Variants in RAB31 observed in about 807,000 individuals in gnomAD.
The protein encoded by RAB31 is RAB31, member RAS oncogene family.
Under a neutral mutation model 25.6 loss-of-function variants are expected in RAB31, and 21 were observed. That is an observed-to-expected ratio of 0.82 (90% CI 0.58 to 1.18). RAB31 has a LOEUF of 1.18. Ranked by LOEUF, RAB31 falls within the 50% of genes most tolerant of loss-of-function variation. The pLI is 0.00. For missense variants in RAB31, 196 were observed against 250.1 expected (o/e 0.78, Z 1.46); for synonymous variants, 87 against 84.0 (o/e 1.04, Z -0.20).
At chr18:9,836,364 C>T (rs1049152089) in intron 5 of RAB31, among the ~76,000 whole-genome samples, 3 of 152,214 alleles carry the variant, frequency 2.0e-5, no homozygotes, top group Non-Finnish European at 2.9e-5. Flanking sequence ...TTTTAGGAAG[C>T]GCTAATGAGT....
intron 5 of RAB31, among the ~76,000 whole-genome samples, chr18:9,827,773 A>G (rs1355806444): frequency 6.6e-6 from 1 of 152,210 alleles, no homozygotes; most frequent in Non-Finnish European, 1.5e-5. Flanking sequence ...TGATTAGCAA[A>G]TACGTTTTGA....
At chr18:9,750,560 C>G (rs1321594665) in intron 1 of RAB31, among the ~76,000 whole-genome samples, 1 of 152,128 alleles carries the variant, frequency 6.6e-6, no homozygotes, top group East Asian at 1.9e-4. Context: ...TTGGCCAGTG[C>G]ATTCTTACGT....
At chr18:9,758,670 G>A (rs2068272169) in intron 1 of RAB31, among the ~76,000 whole-genome samples, 1 of 152,096 alleles carries the variant, frequency 6.6e-6, no homozygotes, top group South Asian at 2.1e-4. Context: ...GCCTGTGAGG[G>A]TAGACACATG....
At chr18:9,847,558 G>A (rs2068767815) in intron 6 of RAB31, among the ~76,000 whole-genome samples, 1 of 152,206 alleles carries the variant, frequency 6.6e-6, no homozygotes, top group Non-Finnish European at 1.5e-5. Context: ...GCCTGAGTAG[G>A]AAGTACTGTA....
intron 1 of RAB31, among the ~76,000 whole-genome samples, chr18:9,722,477 G>A (rs560017000): frequency 7.2e-5 from 11 of 152,332 alleles, no homozygotes; most frequent in South Asian, 4.1e-4. Context: ...CCACAGTGGA[G>A]CAACACTGTT....
intron 6 of RAB31, among the ~76,000 whole-genome samples, chr18:9,857,305 C>T (rs1159669056): frequency 6.6e-6 from 1 of 152,112 alleles, no homozygotes; most frequent in Non-Finnish European, 1.5e-5. Context: ...GAAATCAACT[C>T]TTTTTGTCCC....
intron 1 of RAB31, among the ~76,000 whole-genome samples, chr18:9,744,561 C>T (rs1483047834): frequency 6.6e-6 from 1 of 152,086 alleles, no homozygotes; most frequent in Admixed American, 6.5e-5. Context: ...ATTTTATGGT[C>T]CCTATTAAAA....
intron 1 of RAB31, among the ~76,000 whole-genome samples, chr18:9,718,317 T>G (rs2068054494): frequency 6.6e-6 from 1 of 152,220 alleles, no homozygotes; most frequent in African/African-American, 2.4e-5. Flanking sequence ...TGGAGTGCAG[T>G]GGTGTGATCT....
At chr18:9,762,267 C>G (rs750776270) in intron 1 of RAB31, among the ~76,000 whole-genome samples, 1 of 152,224 alleles carries the variant, frequency 6.6e-6, no homozygotes, top group Non-Finnish European at 1.5e-5. Context: ...CTGCAATTGT[C>G]ATGATTCTTC....
In RAB31 at chr18:9,835,332, T is replaced by G. The variant is rs147230053; in HGVS notation, c.381-10250T>G. 8.8e-3 allele frequency among the ~76,000 whole-genome samples: 1,332 copies of G among 151,604 alleles called. 21 individuals carry two copies. Among genetic ancestry groups the G allele is most frequent in the African/African-American group, 0.03 (1,238 of 40,924 alleles). ...GCTCAGAGGATTTGGAGCCGACAAC[T>G]CTTTCCAGTGGTTCTTTCTCTGGCC... On this transcript the variant is annotated intron_variant, in intron 5 of 6. Coordinates refer to ENST00000578921, the MANE Select transcript of RAB31 (RefSeq NM_006868.4).
At chr18:9,835,471 G>C (rs1048101307) in intron 5 of RAB31, among the ~76,000 whole-genome samples, 1 of 152,180 alleles carries the variant, frequency 6.6e-6, no homozygotes, top group African/African-American at 2.4e-5. Context: ...TCCAAATTCT[G>C]ATATGTTTTC....
At chr18:9,850,571 C>G (rs979687505) in intron 6 of RAB31, among the ~76,000 whole-genome samples, 3 of 152,196 alleles carry the variant, frequency 2.0e-5, no homozygotes, top group Admixed American at 6.5e-5. Flanking sequence ...GCATTTTGCT[C>G]CAGTTAATTT....
intron 1 of RAB31, among the ~76,000 whole-genome samples, chr18:9,730,723 C>T (rs1182236921): frequency 6.6e-6 from 1 of 152,162 alleles, no homozygotes; most frequent in Non-Finnish European, 1.5e-5. Context: ...GAGAAGATAT[C>T]AAAGGGTTTG....
intron 2 of RAB31, among the ~76,000 whole-genome samples, chr18:9,789,959 T>A (rs1416444009): frequency 6.6e-6 from 1 of 152,172 alleles, no homozygotes; most frequent in Non-Finnish European, 1.5e-5. Flanking sequence ...CTTTTCTACT[T>A]GGGACTTCGG....
Position 9,766,874 on chromosome 18 carries a change from T to C in RAB31, c.40-8404T>C, listed in dbSNP as rs1308622590. On this transcript the variant is annotated intron_variant, in intron 1 of 6. Coordinates refer to ENST00000578921, the MANE Select transcript of RAB31 (RefSeq NM_006868.4). This position sits in a 1 kb window ranked among gnomAD's most constrained non-coding sequence, Gnocchi z 4.3. ...TGGGAGGGTGAGACAGGAGGATTTC[T>C]TGAGCCTGGAAGGAGTAGGTTGCAG... Among the ~76,000 whole-genome samples the C allele has an allele frequency of 1.3e-5, 2 of 152,180 alleles. No individual in the cohort carries two copies. The highest frequency in any genetic ancestry group is 2.4e-5 in the African/African-American group (1 of 41,448).
chr18:9,804,263 G>C (rs2068528648), intron 3 of RAB31, among the ~76,000 whole-genome samples: 1 of 152,218 alleles, frequency 6.6e-6, no homozygotes, highest in African/African-American at 2.4e-5. Flanking sequence ...GTGGGGACAG[G>C]CTGCTCTGGG....
intron 2 of RAB31, among the ~76,000 whole-genome samples, chr18:9,777,451 T>C (rs753602211): frequency 4.6e-5 from 7 of 152,228 alleles, no homozygotes; most frequent in Non-Finnish European, 7.3e-5. Context: ...AAGTGTTTAC[T>C]TGCAAGATGT....
Position 9,859,979 on chromosome 18 carries a change from C to T in RAB31, c.*654C>T, listed in dbSNP as rs2068839043. On this transcript the variant is annotated 3_prime_UTR_variant, in exon 7 of 7. Transcript: ENST00000578921. The stretch of plus-strand genomic sequence containing the variant: ...TAAGTTATGGTCATATATACCCAAA[C>T]AAACCAAATCAAACTAAATTACTGC... 6.6e-6 allele frequency: 1 copy of T among 152,184 alleles called. No homozygotes were observed. The highest frequency in any genetic ancestry group is 1.9e-4 in the East Asian group (1 of 5,192). The allele number at this position is 152,184 out of a possible 1,614,324, so 9.4% of individuals were successfully genotyped here.
intron 1 of RAB31, among the ~76,000 whole-genome samples, chr18:9,742,109 G>A (rs1366597742): frequency 6.6e-6 from 1 of 152,220 alleles, no homozygotes; most frequent in African/African-American, 2.4e-5. Flanking sequence ...GCAAAGCACT[G>A]GCAGGGCTCG....
Sources: allele counts gnomAD v4.1 joint callset (sites outside exome capture counted in the v4.1 genomes callset), GRCh38; gene constraint gnomAD v4.1.1; non-coding constraint Gnocchi (gnomAD v3.1); transcripts MANE v1.5; gene names NCBI Gene and HGNC (gene_info 2026-07-23, HGNC 2026-07-21).